The following NAV2 variants were observed in gnomAD, a reference collection of about 807,000 sequenced individuals.
NAV2 encodes helicase, APC down-regulated 1.
In NAV2, 54 loss-of-function variants were observed where a neutral mutation model predicts 223.2. The observed-to-expected ratio is 0.24, with a 90% confidence interval of 0.19 to 0.30. The LOEUF (loss-of-function observed/expected upper bound fraction) is 0.30, where lower values mean the gene tolerates loss of function less well. Among genes scored for constraint, NAV2 ranks in the 10% least tolerant of loss-of-function variants. The probability of loss-of-function intolerance (pLI) is 1.00; values close to 1 mark genes in which losing one functional copy is unlikely to be tolerated. For missense variants in NAV2, 2,806 were observed against 3,147.5 expected, an observed-to-expected ratio of 0.89 and a Z score of 2.60; for synonymous variants, 1,279 against 1,239.3, an observed-to-expected ratio of 1.03 and a Z score of -0.67.
chr11:19,828,940 A>G (rs1015457738), intron 1 of NAV2, among the ~76,000 whole-genome samples: 2 of 152,148 alleles, frequency 1.3e-5, no homozygotes, highest in Non-Finnish European at 2.9e-5. Flanking sequence ...TGTACCTGAT[A>G]CTTGTGTGGC....
At chr11:20,047,277 C>T (rs1046987328) in intron 14 of NAV2, among the ~76,000 whole-genome samples, 20 of 152,212 alleles carry the variant, frequency 1.3e-4, no homozygotes, top group Admixed American at 2.6e-4. Flanking sequence ...GCAGCTCCTA[C>T]GGCTCTACAT....
At chr11:19,354,745 A>T (rs1853517764) in intron 1 of NAV2, among the ~76,000 whole-genome samples, 1 of 152,186 alleles carries the variant, frequency 6.6e-6, no homozygotes, top group African/African-American at 2.4e-5. Flanking sequence ...CAAGAGGATG[A>T]GCTTTAGCTG....
At chr11:19,968,875 C>T (rs529556244) in intron 10 of NAV2, among the ~76,000 whole-genome samples, 3 of 152,210 alleles carry the variant, frequency 2.0e-5, no homozygotes, top group South Asian at 2.1e-4. Context: ...CAGAGTGCTC[C>T]GACTGCTGCT....
At chr11:19,354,693 C>T (rs1176471191) in intron 1 of NAV2, among the ~76,000 whole-genome samples, 2 of 152,250 alleles carry the variant, frequency 1.3e-5, no homozygotes, top group African/African-American at 4.8e-5. Flanking sequence ...TATGCAGCCA[C>T]AGATGCATAA....
At chr11:20,025,178 A>C (rs1336575813) in intron 11 of NAV2, among the ~76,000 whole-genome samples, 1 of 152,194 alleles carries the variant, frequency 6.6e-6, no homozygotes, top group East Asian at 1.9e-4. Context: ...TTCCACATCT[A>C]TCCAAAGGGG....
In NAV2 at chr11:19,706,973, A is replaced by G. The variant is rs139171707; in HGVS notation, c.76-125511A>G. On this transcript the variant is annotated intron_variant, in intron 1 of 37. Coordinates refer to the NAV2 transcript ENST00000360655. ...GATGTACTGATTACCATAGGTAATT[A>G]CAACACAATGGTATTTGTGTATCTA... Among the ~76,000 whole-genome samples, 549 of 152,374 alleles carry G rather than the reference A, an allele frequency of 3.6e-3. 2 individuals are homozygous for G. The highest frequency in any genetic ancestry group is 0.013 in the African/African-American group (531 of 41,596).
chr11:19,970,909 G>A (rs2049183187), intron 10 of NAV2, among the ~76,000 whole-genome samples: 1 of 152,170 alleles, frequency 6.6e-6, no homozygotes, highest in African/African-American at 2.4e-5. Flanking sequence ...CCATGAAACT[G>A]CCTATCATGA....
At chr11:19,720,413 G>T (rs964289280) in intron 1 of NAV2, among the ~76,000 whole-genome samples, 3 of 152,208 alleles carry the variant, frequency 2.0e-5, no homozygotes, top group Non-Finnish European at 4.4e-5. Context: ...AGGGAATACA[G>T]ATCCTCTCTT....
chr11:20,040,651 C>G (rs1301769036), intron 12 of NAV2, among the ~76,000 whole-genome samples: 2 of 152,198 alleles, frequency 1.3e-5, no homozygotes, highest in Non-Finnish European at 2.9e-5. Context: ...CTTCTTTCCT[C>G]ACCTTCCCAT....
chr11:19,562,730 A>G (rs1247991420), intron 1 of NAV2, among the ~76,000 whole-genome samples: 1 of 152,200 alleles, frequency 6.6e-6, no homozygotes, highest in East Asian at 1.9e-4. Context: ...GGATTTACGC[A>G]GCACTAAAGC....
At chr11:19,460,076 G>A (rs1441369523) in intron 1 of NAV2, among the ~76,000 whole-genome samples, 1 of 152,208 alleles carries the variant, frequency 6.6e-6, no homozygotes, top group Non-Finnish European at 1.5e-5. Context: ...TTCTCATCTG[G>A]AAAATGGGAT....
At chr11:19,723,323 G>A (rs2050924124) in intron 1 of NAV2, among the ~76,000 whole-genome samples, 1 of 152,196 alleles carries the variant, frequency 6.6e-6, no homozygotes, top group African/African-American at 2.4e-5. Context: ...AAAAATAGGA[G>A]ACAGTGAGAG....
chr11:20,102,012 C>T (rs1244773698), intron 32 of NAV2, among the ~76,000 whole-genome samples: 1 of 152,144 alleles, frequency 6.6e-6, no homozygotes, highest in Non-Finnish European at 1.5e-5. Context: ...TGACCTATTT[C>T]ACTAGGTTGT....
rs554539220 is a variant in NAV2, at chr11:20,061,791, G to A, written c.4832-516G>A. 5.9e-5 allele frequency among the ~76,000 whole-genome samples: 9 copies of A among 152,270 alleles called. No individual in the cohort carries two copies. The East Asian group carries it at 1.7e-3, about 29-fold the overall frequency. ...TATGGTCATCTAGAATGAACTTACT[G>A]TGGCCAACAGCCTCTTAGGTTAAAA... On this transcript the variant is annotated intron_variant, in intron 19 of 37. Transcript: ENST00000349880.
At chr11:19,430,748 C>T (rs777434744) in intron 1 of NAV2, among the ~76,000 whole-genome samples, 2 of 152,030 alleles carry the variant, frequency 1.3e-5, no homozygotes, top group Non-Finnish European at 2.9e-5. Flanking sequence ...GATCAGTTGA[C>T]AGTTGAGGGT....
chr11:19,951,011 G>A lies in NAV2; in HGVS notation c.2645+1931G>A, dbSNP rs560979814. Among the ~76,000 whole-genome samples the A allele has an allele frequency of 7.2e-4, 110 of 152,324 alleles. 1 individual carries two copies. The highest frequency in any genetic ancestry group is 2.6e-3 in the African/African-American group (107 of 41,570). On this transcript the variant is annotated intron_variant, in intron 10 of 37. Transcript: ENST00000349880. ...ATGGGGCAGAGCCCTCTCTGTAATG[G>A]AGGTTTCTACAATCAAACAAGGTGG...
At chr11:19,860,419 C>T (rs1303350669) in intron 3 of NAV2, among the ~76,000 whole-genome samples, 3 of 148,228 alleles carry the variant, frequency 2.0e-5, no homozygotes, top group East Asian at 4.1e-4. Context: ...GCGCTCCCCA[C>T]ATCTCAGACG....
At chr11:20,067,822 A>T (rs999641324) in intron 20 of NAV2, among the ~76,000 whole-genome samples, 5 of 151,630 alleles carry the variant, frequency 3.3e-5, no homozygotes, top group African/African-American at 1.2e-4. Flanking sequence ...AAGCTATTCA[A>T]ATTTAACTAG....
chr11:19,709,036 G>A (rs1405962526), upstream of NAV2, among the ~76,000 whole-genome samples: 1 of 151,982 alleles, frequency 6.6e-6, no homozygotes, highest in Non-Finnish European at 1.5e-5. Flanking sequence ...GATTTAAAAT[G>A]ACGTTTTTCA....
Sources: gnomAD v4.1 joint callset for allele counts (sites outside exome capture counted in the v4.1 genomes callset) on GRCh38, gnomAD v4.1.1 for gene constraint, MANE v1.5 for transcripts, NCBI Gene and HGNC (gene_info 2026-07-23, HGNC 2026-07-21) for gene names.